The following AP2B1 variants were observed in gnomAD, a reference collection of about 807,000 sequenced individuals.
AP2B1 encodes the protein AP-2 complex subunit beta.
In AP2B1, 23 loss-of-function variants were observed where a neutral mutation model predicts 102.0. The observed-to-expected ratio is 0.23, with a 90% CI of 0.16 to 0.32. AP2B1 has a LOEUF of 0.32. AP2B1 is among the 10% of genes least tolerant of loss of function. The pLI, the probability that AP2B1 is intolerant of heterozygous loss-of-function variation, is 1.00. For synonymous variants in AP2B1, 381 were observed against 421.2 expected, an observed-to-expected ratio of 0.90 and a Z score of 1.17; for missense variants, 541 against 1,157.4, an observed-to-expected ratio of 0.47 and a Z score of 7.73.
At chr17:35,703,813 G>A (rs981797677) in intron 18 of AP2B1, among the ~76,000 whole-genome samples, 15 of 35,692 alleles carry the variant, frequency 4.2e-4, no homozygotes, top group African/African-American at 2.3e-3. Flanking sequence ...GCCTGCACAT[G>A]TACCCCTGAA....
chr17:35,712,633 AAAAAAT>A (rs1381135755), intron 20 of AP2B1, among the ~76,000 whole-genome samples: 4 of 152,174 alleles, frequency 2.6e-5, no homozygotes, highest in South Asian at 2.1e-4. Context: ...CGTCTCAAAA[AAAAAAT>A]AAAAATAAAA....
At chr17:35,590,827 G>C (rs1356684579) in intron 1 of AP2B1, among the ~76,000 whole-genome samples, 2 of 152,100 alleles carry the variant, frequency 1.3e-5, no homozygotes, top group African/African-American at 4.8e-5. Context: ...AAATATGTGA[G>C]CTACTGATAA....
Position 35,657,684 on chromosome 17 carries a change from C to G in AP2B1, c.1882C>G (p.Leu628Val). ...PQVIPSQGDL[L>V]GDLLNLDLGP... ...GGTTATCCCCTCTCAAGGTGATCTT[C>G]TAGGGGATCTTTTAAACCTTGACCT... The change falls in exon 14 of 22, where the codon CTA (leucine) becomes GTA (valine). Residue 628 changes from leucine (L) to valine (V), a missense_variant. Leu to Val is a conservative substitution (Grantham distance 32). Transcript: ENST00000610402. 6.2e-7 allele frequency: 1 copy of G among 1,614,152 alleles called. No homozygotes were observed. Among genetic ancestry groups the G allele is most frequent in the South Asian group, 1.1e-5 (1 of 91,078 alleles).
chr17:35,645,954 G>A (rs933903758), intron 12 of AP2B1, among the ~76,000 whole-genome samples: 5 of 152,140 alleles, frequency 3.3e-5, no homozygotes, highest in Admixed American at 3.3e-4. Flanking sequence ...TGAACTAGGG[G>A]CCACCATCAT....
At chr17:35,665,179 A>G (rs143746543) in intron 14 of AP2B1, among the ~76,000 whole-genome samples, 208 of 149,086 alleles carry the variant, frequency 1.4e-3, no homozygotes, top group Non-Finnish European at 2.0e-3. Flanking sequence ...CAGGCTAGAA[A>G]GCAGTGGCAC....
At chr17:35,663,439 G>A (rs1425021984) in intron 14 of AP2B1, among the ~76,000 whole-genome samples, 2 of 151,592 alleles carry the variant, frequency 1.3e-5, no homozygotes, top group Non-Finnish European at 1.5e-5. Context: ...TGCAGAGTTG[G>A]GATTTGAACC....
chr17:35,677,372 A>G (rs576280548), intron 17 of AP2B1, among the ~76,000 whole-genome samples: 23 of 152,328 alleles, frequency 1.5e-4, no homozygotes, highest in African/African-American at 5.5e-4. Context: ...ATCTTTGCTT[A>G]ACCCCATGGT....
chr17:35,707,386 C>T (rs1392597388), intron 18 of AP2B1, among the ~76,000 whole-genome samples: 1 of 150,916 alleles, frequency 6.6e-6, no homozygotes, highest in Non-Finnish European at 1.5e-5. Context: ...CTCCTGACCT[C>T]GTGATCTGCC....
chr17:35,704,486 A>G (rs2076300574), intron 18 of AP2B1, among the ~76,000 whole-genome samples: 1 of 152,206 alleles, frequency 6.6e-6, no homozygotes. Context: ...ATTTTCATGC[A>G]ACAAATATTT....
At chr17:35,638,717 A>G (rs1248616911) in intron 10 of AP2B1, among the ~76,000 whole-genome samples, 1 of 147,718 alleles carries the variant, frequency 6.8e-6, no homozygotes, top group Non-Finnish European at 1.5e-5. Context: ...TGAACCCGGG[A>G]GGCGGAGCTT....
chr17:35,593,115 C>G (rs2073154763), intron 1 of AP2B1, among the ~76,000 whole-genome samples: 1 of 152,078 alleles, frequency 6.6e-6, no homozygotes, highest in Non-Finnish European at 1.5e-5. Context: ...TAACTATAAA[C>G]TGGCATTATT....
chr17:35,678,494 C>T (rs9303690), intron 17 of AP2B1, among the ~76,000 whole-genome samples: 130,092 of 152,206 alleles, frequency 0.85, 55,813 homozygotes, highest in East Asian at 0.97. Flanking sequence ...TTAAGTGTGA[C>T]GTTAGCCATA....
chr17:35,622,923 C>T (rs1183430083), intron 5 of AP2B1, among the ~76,000 whole-genome samples: 4 of 152,146 alleles, frequency 2.6e-5, no homozygotes, highest in African/African-American at 9.7e-5. Context: ...TCTCAGCCTC[C>T]CAAAGTGTTG....
chr17:35,693,498 T>TA (rs2076080696), intron 18 of AP2B1, among the ~76,000 whole-genome samples: 1 of 152,282 alleles, frequency 6.6e-6, no homozygotes, highest in East Asian at 1.9e-4. Flanking sequence ...TTTTTCTACT[T>TA]AAGGAAAGCC....
At chr17:35,678,246 C>A (rs980596501) in intron 17 of AP2B1, among the ~76,000 whole-genome samples, 4 of 152,148 alleles carry the variant, frequency 2.6e-5, no homozygotes, top group African/African-American at 9.7e-5. Context: ...TTGTTTCCTT[C>A]AACTTTGTTA....
intron 5 of AP2B1, among the ~76,000 whole-genome samples, chr17:35,618,136 G>A (rs1192343629): frequency 6.6e-6 from 1 of 152,170 alleles, no homozygotes; most frequent in Non-Finnish European, 1.5e-5. Context: ...ATTCTAGACA[G>A]TGTTTTGGAT....
Position 35,724,440 on chromosome 17 carries a change from C to T in AP2B1, c.*741C>T, listed in dbSNP as rs1268412463. On this transcript the variant is annotated 3_prime_UTR_variant, in exon 22 of 22. Transcript: ENST00000610402. ...CAAAAACTATAGAGCCTGTCAGCAC[C>T]AAAGCTGACAGAAGTTATACCTTAC... 6.6e-6 allele frequency: 1 copy of T among 152,108 alleles called. No individual in the cohort carries two copies. Among genetic ancestry groups the T allele is most frequent in the Non-Finnish European group, 1.5e-5 (1 of 68,016 alleles). 9.4% of individuals were successfully genotyped at this position (152,108 alleles called of 1,614,324 possible).
At chr17:35,686,516 C>T (rs1423146953) in intron 18 of AP2B1, among the ~76,000 whole-genome samples, 1 of 152,154 alleles carries the variant, frequency 6.6e-6, no homozygotes, top group Admixed American at 6.5e-5. Context: ...GGGTAATGCT[C>T]ATGGTCTTTA....
intron 4 of AP2B1, chr17:35,607,786 T>C (rs2073733570): frequency 6.2e-6 from 1 of 161,580 alleles, no homozygotes; most frequent in Non-Finnish European, 1.3e-5. Context: ...TTTTTTTTTT[T>C]TTTTTTTTCC....
Sources: gnomAD v4.1 joint callset for allele counts (sites outside exome capture counted in the v4.1 genomes callset) on GRCh38, gnomAD v4.1.1 for gene constraint, MANE v1.5 for transcripts, NCBI Gene and HGNC (gene_info 2026-07-23, HGNC 2026-07-21) for gene names.